The following PRDM5 variants were observed in gnomAD, a reference collection of about 807,000 sequenced individuals.
PRDM5 encodes the protein PR/SET domain 5.
A neutral mutation model predicts 81.2 loss-of-function variants in PRDM5; 56 were observed. The observed-to-expected ratio is 0.69, with a 90% CI of 0.56 to 0.86. PRDM5 has a LOEUF of 0.86. Ranked by LOEUF, PRDM5 falls within the 40% of genes least tolerant of loss-of-function variation. The pLI, the probability that PRDM5 is intolerant of heterozygous loss-of-function variation, is 0.00. For synonymous variants in PRDM5, 267 were observed against 256.4 expected, an observed-to-expected ratio of 1.04 and a Z score of -0.39; for missense variants, 697 against 770.1, an observed-to-expected ratio of 0.91 and a Z score of 1.12.
intron 1 of PRDM5, among the ~76,000 whole-genome samples, chr4:120,920,173 T>C (rs551951225): frequency 2.0e-5 from 3 of 152,324 alleles, no homozygotes; most frequent in African/African-American, 7.2e-5. Context: ...GTGGGGTTTC[T>C]AGCAAGATTC....
chr4:120,802,478 C>A (rs959021947), intron 8 of PRDM5, among the ~76,000 whole-genome samples: 4 of 152,196 alleles, frequency 2.6e-5, no homozygotes, highest in Admixed American at 2.6e-4. Flanking sequence ...ACTGACACCC[C>A]ACATGGCCAG....
chr4:120,721,571 A>G (rs1738613470), intron 14 of PRDM5, among the ~76,000 whole-genome samples: 1 of 152,220 alleles, frequency 6.6e-6, no homozygotes, highest in Non-Finnish European at 1.5e-5. Context: ...CTATGTTCAC[A>G]AACTGCCTAC....
At chr4:120,752,672 A>T (rs879063990) in intron 14 of PRDM5, among the ~76,000 whole-genome samples, 2 of 152,322 alleles carry the variant, frequency 1.3e-5, no homozygotes, top group Admixed American at 1.3e-4. Flanking sequence ...CAGTGGAATG[A>T]GAAAATATTC....
chr4:120,701,537 G>C (rs1735370341), intron 15 of PRDM5, among the ~76,000 whole-genome samples: 1 of 152,166 alleles, frequency 6.6e-6, no homozygotes, highest in Non-Finnish European at 1.5e-5. Context: ...GTAGCAACAT[G>C]GATGCAGCTG....
At chr4:120,812,293 G>T (rs958565867) in intron 7 of PRDM5, among the ~76,000 whole-genome samples, 1 of 152,052 alleles carries the variant, frequency 6.6e-6, no homozygotes, top group Non-Finnish European at 1.5e-5. Context: ...TTTCACTGGG[G>T]TATATATCTA....
intron 3 of PRDM5, among the ~76,000 whole-genome samples, chr4:120,827,080 CA>C (rs1368682148): frequency 2.6e-5 from 4 of 152,020 alleles, no homozygotes; most frequent in Admixed American, 2.6e-4. Flanking sequence ...AATCCCCAAC[CA>C]AAAAAATTAT....
At chr4:120,770,309 G>A (rs182483070) in intron 13 of PRDM5, among the ~76,000 whole-genome samples, 20 of 152,166 alleles carry the variant, frequency 1.3e-4, no homozygotes, top group African/African-American at 3.4e-4. Context: ...GATTACAGGC[G>A]TGAGCCACCG....
chr4:120,902,354 T>C (rs1396189137), intron 2 of PRDM5, among the ~76,000 whole-genome samples: 9 of 152,174 alleles, frequency 5.9e-5, no homozygotes, highest in Non-Finnish European at 1.3e-4. Context: ...GAAAATATTA[T>C]AGAAAGAGGA....
chr4:120,711,057 C>A (rs1736909708), intron 14 of PRDM5, among the ~76,000 whole-genome samples: 1 of 152,124 alleles, frequency 6.6e-6, no homozygotes, highest in East Asian at 1.9e-4. Flanking sequence ...ATGCTGGATG[C>A]TGGATGGTTG....
intron 3 of PRDM5, among the ~76,000 whole-genome samples, chr4:120,841,466 A>C (rs979456194): frequency 2.0e-5 from 3 of 152,220 alleles, no homozygotes; most frequent in African/African-American, 7.2e-5. Context: ...ACATGTGGCT[A>C]ATTCTACTGT....
At chr4:120,689,528 C>T (rs971828832), downstream of PRDM5, among the ~76,000 whole-genome samples, 8 of 152,058 alleles carry the variant, frequency 5.3e-5, no homozygotes, top group South Asian at 1.2e-3. Flanking sequence ...GAGAAGATTT[C>T]CTACATTTCA....
At chr4:120,854,156 A>G (rs1759607750) in intron 2 of PRDM5, among the ~76,000 whole-genome samples, 1 of 152,188 alleles carries the variant, frequency 6.6e-6, no homozygotes, top group Admixed American at 6.5e-5. Flanking sequence ...GTCTCAGACC[A>G]TACGCTCTCA....
intron 3 of PRDM5, among the ~76,000 whole-genome samples, chr4:120,822,921 G>A (rs1207245297): frequency 3.9e-5 from 6 of 152,102 alleles, no homozygotes; most frequent in Non-Finnish European, 8.8e-5. Flanking sequence ...CATTAAAAAG[G>A]TTATTTCTAA....
chr4:120,794,443 C>A (rs1406560151), intron 10 of PRDM5, among the ~76,000 whole-genome samples: 1 of 151,254 alleles, frequency 6.6e-6, no homozygotes, highest in Admixed American at 6.6e-5. Context: ...TTATACCAGG[C>A]AAAGAGTGAA....
intron 13 of PRDM5, among the ~76,000 whole-genome samples, chr4:120,765,934 C>T (rs1746313718): frequency 6.6e-6 from 1 of 150,916 alleles, no homozygotes; most frequent in African/African-American, 2.4e-5. Context: ...CAAAACAACA[C>T]TATGCAGTTG....
chr4:120,728,191 C>A (rs1444044170), intron 14 of PRDM5, among the ~76,000 whole-genome samples: 1 of 151,946 alleles, frequency 6.6e-6, no homozygotes, highest in Non-Finnish European at 1.5e-5. Flanking sequence ...CCCTATTCAT[C>A]TGTTAGAATC....
At chr4:120,737,002 C>T (rs1741210318) in intron 14 of PRDM5, among the ~76,000 whole-genome samples, 1 of 152,178 alleles carries the variant, frequency 6.6e-6, no homozygotes, top group Admixed American at 6.5e-5. Context: ...TGTCCTACAA[C>T]AGCAATAAGT....
intron 3 of PRDM5, among the ~76,000 whole-genome samples, chr4:120,828,827 TTATCAAGACTATCTTC>T (rs1756355927): frequency 6.6e-6 from 1 of 152,042 alleles, no homozygotes; most frequent in Non-Finnish European, 1.5e-5. Context: ...GAAGAACACT[TTATCAAGACTATCTTC>T]TGGCTTTGGC....
intron 14 of PRDM5, among the ~76,000 whole-genome samples, chr4:120,752,961 G>A (rs961115527): frequency 6.6e-6 from 1 of 152,104 alleles, no homozygotes; most frequent in Non-Finnish European, 1.5e-5. Context: ...TTAAAATGAA[G>A]TAAAAAACAA....
Sources: gnomAD v4.1 joint callset for allele counts (sites outside exome capture counted in the v4.1 genomes callset) on GRCh38, gnomAD v4.1.1 for gene constraint, MANE v1.5 for transcripts, NCBI Gene and HGNC (gene_info 2026-07-23, HGNC 2026-07-21) for gene names.